Variants in PKHD1L1 observed in about 807,000 individuals in gnomAD.
The protein encoded by PKHD1L1 is fibrocystin-L.
A neutral mutation model predicts 462.9 loss-of-function variants in PKHD1L1; 434 were observed. The observed-to-expected ratio is 0.94, with a 90% CI of 0.87 to 1.02. The LOEUF (loss-of-function observed/expected upper bound fraction) is 1.02, where lower values mean the gene tolerates loss of function less well. PKHD1L1 is among the 50% of genes least tolerant of loss of function. The probability of loss-of-function intolerance (pLI) is 0.00; values close to 1 mark genes in which losing one functional copy is unlikely to be tolerated. For missense variants in PKHD1L1, 5,202 were observed against 5,096.1 expected (o/e 1.02, Z -0.63); for synonymous variants, 1,781 against 1,750.0 (o/e 1.02, Z -0.44).
At chr8:109,441,022 T>G (rs1815756794) in intron 33 of PKHD1L1, among the ~76,000 whole-genome samples, 170 bp downstream of exon 33, 1 of 152,148 alleles carries the variant, frequency 6.6e-6, no homozygotes, top group Admixed American at 6.6e-5. Context: ...GAATAACTAC[T>G]TTTTATTTCA....
intron 67 of PKHD1L1, chr8:109,499,183 T>C (rs1819276998): frequency 6.2e-6 from 1 of 162,278 alleles, no homozygotes; most frequent in Admixed American, 5.9e-5. Flanking sequence ...ATCAAAATCT[T>C]CTGATTCAAA....
Position 109,396,047 on chromosome 8 carries a change from T to A in PKHD1L1, c.832T>A (p.Ser278Thr). 6.2e-7 allele frequency: 1 copy of A among 1,602,732 alleles called. No homozygotes were observed. Among genetic ancestry groups the A allele is most frequent in the Non-Finnish European group, 8.5e-7 (1 of 1,174,684 alleles). The change falls in exon 11 of 78, where the codon TCA becomes ACA. Residue 278 changes from serine to threonine, a missense_variant. By Grantham distance (58) the Ser-to-Thr change is moderately conservative. This residue lies in a region of PKHD1L1 where 4,497 missense variants were observed against 4,336.8 expected (regional missense o/e 1.04). Coordinates refer to ENST00000378402, the MANE Select transcript of PKHD1L1 (RefSeq NM_177531.6). ...CCCAGAGGTCACCATGATTTTCCCT[T>A]CACAAGGAAGCATTCGAGGTGGCAC... ...TYAEVTMIFPSQGSIRGGTTL... is the reference protein window; with the variant it reads ...TYAEVTMIFPTQGSIRGGTTL...
Position 109,536,127 on chromosome 8 carries a change from C to T in PKHD1L1, c.*6037C>T, listed in dbSNP as rs1015560135. On this transcript the variant is annotated 3_prime_UTR_variant, in exon 78 of 78. Transcript: ENST00000378402. ...AAAATTCACCTCTATTTCTTGGAAGCACTATTCCATGTTGTGAGCTAAAGG... is the reference window on the plus strand; with the variant it reads ...AAAATTCACCTCTATTTCTTGGAAGTACTATTCCATGTTGTGAGCTAAAGG... 5.9e-5 allele frequency among the ~76,000 whole-genome samples: 9 copies of T among 152,156 alleles called. No homozygotes were observed. The highest frequency in any genetic ancestry group is 1.4e-4 in the African/African-American group (6 of 41,436).
At chr8:109,411,655 G>A (rs1458794454) in intron 19 of PKHD1L1, among the ~76,000 whole-genome samples, 3 of 152,028 alleles carry the variant, frequency 2.0e-5, no homozygotes, top group African/African-American at 4.8e-5. Flanking sequence ...TCACACCTCT[G>A]CTTTTTTGCA....
At chr8:109,409,101 A>G (rs943176261) in intron 18 of PKHD1L1, among the ~76,000 whole-genome samples, 1 of 152,198 alleles carries the variant, frequency 6.6e-6, no homozygotes, top group African/African-American at 2.4e-5. Context: ...TCAAGCCCTT[A>G]ATTCTAAGCG....
rs754269006 is a variant in PKHD1L1 at position 109,400,157 on chromosome 8, C to T, written c.1094C>T (p.Thr365Met). 14 of 1,613,516 alleles carry T rather than the reference C, an allele frequency of 8.7e-6. No homozygotes were observed. The highest frequency in any genetic ancestry group is 7.7e-5 in the South Asian group (7 of 91,076). The change falls in exon 13 of 78, where the codon ACG (threonine) becomes ATG (methionine). Residue 365 changes from threonine (T) to methionine (M), a missense_variant. By Grantham distance (81) the Thr-to-Met change is moderately conservative (BLOSUM62 -1). Transcript: ENST00000378402. ...LEEILEYNEK[T>M]PGYMGASWVD... ...GAGATACTGGAATACAATGAAAAAA[C>T]GCCTGGGTACATGGGTGCCAGTTGG...
At chr8:109,490,132 C>A in intron 60 of PKHD1L1, 77 bp downstream of exon 60, 1 of 896,664 alleles carries the variant, frequency 1.1e-6, no homozygotes, top group Non-Finnish European at 1.7e-6. Flanking sequence ...TTCTAAATAG[C>A]CACATCTTAT....
At chr8:109,387,241 A>G (rs917658675) in intron 6 of PKHD1L1, among the ~76,000 whole-genome samples, 2 of 152,214 alleles carry the variant, frequency 1.3e-5, no homozygotes, top group African/African-American at 4.8e-5. Flanking sequence ...ATTATAGAGG[A>G]CATGCAAATG....
At chr8:109,507,485 T>C (rs1819748281) in intron 68 of PKHD1L1, among the ~76,000 whole-genome samples, 178 bp from the exon 69 acceptor site, 2 of 152,154 alleles carry the variant, frequency 1.3e-5, no homozygotes, top group Admixed American at 6.6e-5. Context: ...ATCAACACAA[T>C]GGAAAAGCAG....
intron 36 of PKHD1L1, 71 bp downstream of exon 36, chr8:109,443,187 T>C (rs961334082): frequency 6.8e-7 from 1 of 1,466,880 alleles, no homozygotes; most frequent in Non-Finnish European, 9.4e-7. Flanking sequence ...CTGGAGCCGG[T>C]AGCAGATAAC....
At chr8:109,395,492 G>A (rs1227866829) in intron 10 of PKHD1L1, among the ~76,000 whole-genome samples, 1 of 152,206 alleles carries the variant, frequency 6.6e-6, no homozygotes, top group Non-Finnish European at 1.5e-5. Context: ...AAATTCATAT[G>A]TAAGAATACA....
chr8:109,483,513 A>G (rs1586602017), intron 57 of PKHD1L1, among the ~76,000 whole-genome samples: 1 of 136,352 alleles, frequency 7.3e-6, no homozygotes, highest in African/African-American at 2.6e-5. Context: ...TAAATTAGTC[A>G]TATTATTTTA....
chr8:109,402,946 A>C (rs1056344321), intron 14 of PKHD1L1, among the ~76,000 whole-genome samples: 5 of 152,254 alleles, frequency 3.3e-5, no homozygotes, highest in Admixed American at 2.0e-4. Context: ...TTAGACATTA[A>C]ACATTTTCTT....
At chr8:109,450,224 C>G (rs1312705744) in intron 40 of PKHD1L1, among the ~76,000 whole-genome samples, 1 of 151,954 alleles carries the variant, frequency 6.6e-6, no homozygotes. Flanking sequence ...ATATTTGGTA[C>G]TTTGGACAAC....
chr8:109,428,482 A>G (rs1814900783), intron 25 of PKHD1L1, among the ~76,000 whole-genome samples: 1 of 152,192 alleles, frequency 6.6e-6, no homozygotes, highest in Non-Finnish European at 1.5e-5. Flanking sequence ...GGGGGCAAAA[A>G]CAACTATGTA....
chr8:109,437,019 G>A (rs573944902), intron 30 of PKHD1L1, among the ~76,000 whole-genome samples: 2 of 152,146 alleles, frequency 1.3e-5, no homozygotes, highest in Non-Finnish European at 2.9e-5. Flanking sequence ...GGGTTCAAGC[G>A]ATTCTCCTGC....
rs181861119 is a variant in PKHD1L1, at chr8:109,370,881, G to A, written c.163+6245G>A. On this transcript the variant is annotated intron_variant, in intron 2 of 77. Coordinates refer to ENST00000378402, the MANE Select transcript of PKHD1L1 (RefSeq NM_177531.6). ...GCATAGTATTCCATGGTGTATATGT[G>A]CCACATTTTCTTAATCCAGTCTATC... Among the ~76,000 whole-genome samples, 255 of 152,244 alleles carry A rather than the reference G, an allele frequency of 1.7e-3. 3 individuals are homozygous for A. The highest frequency in any genetic ancestry group is 3.4e-3 in the Middle Eastern group (1 of 294).
intron 46 of PKHD1L1, among the ~76,000 whole-genome samples, chr8:109,457,092 T>A (rs1355400283): frequency 6.6e-6 from 1 of 152,126 alleles, no homozygotes; most frequent in Non-Finnish European, 1.5e-5. Flanking sequence ...TATTTTTGCT[T>A]TATTGTTCAA....
intron 38 of PKHD1L1, among the ~76,000 whole-genome samples, chr8:109,445,862 T>C (rs564415622): frequency 6.6e-6 from 1 of 152,296 alleles, no homozygotes; most frequent in Admixed American, 6.5e-5. Flanking sequence ...TCAACTTCTA[T>C]TTAGGAACAA....
Sources: allele counts gnomAD v4.1 joint callset (sites outside exome capture counted in the v4.1 genomes callset), GRCh38; gene constraint gnomAD v4.1.1; regional missense constraint gnomAD v4.1.1; transcripts MANE v1.5; gene names NCBI Gene and HGNC (gene_info 2026-07-23, HGNC 2026-07-21).